LRRIQ3: variants seen among roughly 807,000 people sequenced by gnomAD.
LRRIQ3 encodes leucine rich repeats and IQ motif containing 3.
Under a neutral mutation model 59.3 loss-of-function variants are expected in LRRIQ3, and 75 were observed. That is an observed-to-expected ratio of 1.26 (90% CI 1.05 to 1.53). The LOEUF (loss-of-function observed/expected upper bound fraction) is 1.53, where lower values mean the gene tolerates loss of function less well. LRRIQ3 is among the 40% of genes most tolerant of loss of function. The pLI, the probability that LRRIQ3 is intolerant of heterozygous loss-of-function variation, is 0.00. For missense variants in LRRIQ3, 831 were observed against 710.0 expected (o/e 1.17, Z -1.94); for synonymous variants, 250 against 231.3 (o/e 1.08, Z -0.73).
rs759251554 is a variant in LRRIQ3, at chr1:74,041,705, G to A, written c.1226C>T (p.Ala409Val). 7 of 1,613,334 alleles carry A rather than the reference G, an allele frequency of 4.3e-6. No homozygotes were observed. The highest frequency in any genetic ancestry group is 1.3e-5 in the African/African-American group (1 of 74,948). The change falls in exon 7 of 8, where the codon GCA becomes GTA. Residue 409 changes from alanine (A) to valine (V), a missense_variant. Transcript: ENST00000354431. ...GAGTTTCATACCAGCTCTTTGTGGT[G>A]CAAAAAACTCTTTCATACTCCGCTC... is the stretch of plus-strand genomic sequence containing the variant. ...RLERSMKEFF[A>V]PQRAGMKLRT...
intron 6 of LRRIQ3, among the ~76,000 whole-genome samples, chr1:74,066,522 TAAC>T (rs34459164): frequency 0.32 from 48,781 of 151,756 alleles, 8,318 homozygotes; most frequent in Middle Eastern, 0.45. Context: ...ATAACAACAA[TAAC>T]AGCAGCAGCA....
intron 4 of LRRIQ3, among the ~76,000 whole-genome samples, chr1:74,147,558 G>T (rs181460196): frequency 2.3e-4 from 35 of 152,150 alleles, no homozygotes; most frequent in Admixed American, 2.0e-3. Flanking sequence ...TCAACCCAAT[G>T]TCCATAAAAT....
intron 5 of LRRIQ3, among the ~76,000 whole-genome samples, chr1:74,106,638 T>C (rs1185037999): frequency 6.6e-6 from 1 of 151,830 alleles, no homozygotes; most frequent in East Asian, 1.9e-4. Context: ...CCCGGTGGGG[T>C]ATTAGTGTGT....
intron 6 of LRRIQ3, among the ~76,000 whole-genome samples, chr1:74,058,002 A>C (rs775034205): frequency 6.6e-6 from 1 of 151,424 alleles, no homozygotes; most frequent in Non-Finnish European, 1.5e-5. Flanking sequence ...AGGAAAATGC[A>C]AATCAAAACA....
At chr1:74,172,689 T>C (rs1201269437) in intron 3 of LRRIQ3, among the ~76,000 whole-genome samples, 1 of 152,172 alleles carries the variant, frequency 6.6e-6, no homozygotes, top group Non-Finnish European at 1.5e-5. Flanking sequence ...TTTTGTATTA[T>C]TGTGTTTCTG....
intron 6 of LRRIQ3, among the ~76,000 whole-genome samples, chr1:74,053,052 G>C (rs577987681): frequency 6.6e-6 from 1 of 151,394 alleles, no homozygotes; most frequent in African/African-American, 2.4e-5. Context: ...ACAAAGTAGA[G>C]AGCCCAGAAA....
In LRRIQ3 at chr1:74,182,808, T is replaced by A; in HGVS notation, c.303A>T (p.Leu101=). The change falls in exon 3 of 8, where the codon CTA becomes CTT. Residue 101 remains leucine (L), a synonymous_variant. Transcript: ENST00000354431. ...KFWNGLKNLK[L]LYLHDNGFAK... is the part of the protein sequence containing the mutation. ...CAAACCCATTGTCATGAAGATAGAGTAGTTTTAGGTTCTTCAATCCATTCC... is the reference window on the plus strand; with the variant it reads ...CAAACCCATTGTCATGAAGATAGAGAAGTTTTAGGTTCTTCAATCCATTCC... The A allele has an allele frequency of 6.3e-7, 1 of 1,595,780 alleles. No homozygotes were observed. Among genetic ancestry groups the A allele is most frequent in the East Asian group, 2.3e-5 (1 of 44,328 alleles).
chr1:74,108,075 T>A (rs1203162726), intron 5 of LRRIQ3, among the ~76,000 whole-genome samples: 5 of 151,764 alleles, frequency 3.3e-5, no homozygotes, highest in Non-Finnish European at 1.5e-5. Context: ...TTCATGCACA[T>A]ATATATTTGC....
chr1:74,031,466 C>T (rs1298563441), intron 7 of LRRIQ3, among the ~76,000 whole-genome samples: 1 of 152,050 alleles, frequency 6.6e-6, no homozygotes, highest in Non-Finnish European at 1.5e-5. Flanking sequence ...TTTGTAGGGA[C>T]ATGGATGAAG....
At chr1:74,089,395 TA>T (rs1243315827) in intron 5 of LRRIQ3, among the ~76,000 whole-genome samples, 2 of 152,128 alleles carry the variant, frequency 1.3e-5, no homozygotes, top group Non-Finnish European at 2.9e-5. Context: ...ATCCATAAAT[TA>T]GAAGGAACTC....
At chr1:74,132,603 A>C (rs190919366) in intron 4 of LRRIQ3, among the ~76,000 whole-genome samples, 28 of 152,300 alleles carry the variant, frequency 1.8e-4, no homozygotes, top group African/African-American at 6.5e-4. Flanking sequence ...TGACAAAAAC[A>C]AGAAATGGGG....
intron 3 of LRRIQ3, among the ~76,000 whole-genome samples, chr1:74,176,767 GGA>G (rs1649667011): frequency 6.6e-6 from 1 of 152,010 alleles, no homozygotes; most frequent in African/African-American, 2.4e-5. Flanking sequence ...TAGTGTCAGA[GGA>G]GTCTGACACC....
chr1:74,136,234 C>T (rs1413345916), intron 4 of LRRIQ3, among the ~76,000 whole-genome samples: 1 of 151,886 alleles, frequency 6.6e-6, no homozygotes, highest in African/African-American at 2.4e-5. Flanking sequence ...ATTGAATTCA[C>T]AATTTAAAAT....
At chr1:74,184,999 C>G (rs1361197988) in intron 1 of LRRIQ3, among the ~76,000 whole-genome samples, 2 of 152,112 alleles carry the variant, frequency 1.3e-5, no homozygotes, top group African/African-American at 2.4e-5. Context: ...TTTTAAAGTA[C>G]TGAATAACAT....
chr1:74,145,418 C>T (rs867841987), intron 4 of LRRIQ3, among the ~76,000 whole-genome samples: 5 of 152,116 alleles, frequency 3.3e-5, no homozygotes, highest in African/African-American at 9.7e-5. Context: ...CTGAATTTTT[C>T]GTGAGCTTCC....
chr1:74,165,562 C>A (rs971405311), intron 3 of LRRIQ3, among the ~76,000 whole-genome samples: 2 of 151,352 alleles, frequency 1.3e-5, no homozygotes, highest in African/African-American at 4.8e-5. Context: ...TTTCCAATTT[C>A]TTTTCCTTTT....
chr1:74,172,328 TATA>T (rs1366642358), intron 3 of LRRIQ3, among the ~76,000 whole-genome samples: 1 of 152,188 alleles, frequency 6.6e-6, no homozygotes, highest in Non-Finnish European at 1.5e-5. Flanking sequence ...ATCAGTGTTT[TATA>T]ATTTCTTTTG....
chr1:74,103,687 T>A (rs1646565354), intron 5 of LRRIQ3, among the ~76,000 whole-genome samples: 1 of 151,962 alleles, frequency 6.6e-6, no homozygotes. Context: ...ACTATTTTCT[T>A]AGTATCATTT....
chr1:74,120,986 G>A (rs1646846737), intron 4 of LRRIQ3, among the ~76,000 whole-genome samples: 1 of 151,912 alleles, frequency 6.6e-6, no homozygotes, highest in African/African-American at 2.4e-5. Flanking sequence ...CCTGATGCTG[G>A]GCAGTAACAT....
Sources: gnomAD v4.1 joint callset for allele counts (sites outside exome capture counted in the v4.1 genomes callset) on GRCh38, gnomAD v4.1.1 for gene constraint, MANE v1.5 for transcripts, NCBI Gene and HGNC (gene_info 2026-07-23, HGNC 2026-07-21) for gene names.